DOCK3: variants seen among roughly 807,000 people sequenced by gnomAD.
The protein encoded by DOCK3 is dedicator of cytokinesis protein 3.
Under a neutral mutation model 265.6 loss-of-function variants are expected in DOCK3, and 60 were observed. The observed-to-expected ratio is 0.23, with a 90% confidence interval of 0.18 to 0.28. The LOEUF is 0.28. DOCK3 is among the 10% of genes least tolerant of loss of function. DOCK3 has a pLI of 1.00. For missense variants in DOCK3, 1,981 were observed against 2,594.3 expected (o/e 0.76, Z 5.14); for synonymous variants, 881 against 938.0 (o/e 0.94, Z 1.11).
At chr3:50,703,222 A>G (rs2036165679) in intron 1 of DOCK3, among the ~76,000 whole-genome samples, 1 of 151,800 alleles carries the variant, frequency 6.6e-6, no homozygotes, top group Non-Finnish European at 1.5e-5. Context: ...TATCTTTTTG[A>G]TGTGTTATTA....
At chr3:50,839,021 T>C (rs774474927) in intron 2 of DOCK3, among the ~76,000 whole-genome samples, 3 of 152,148 alleles carry the variant, frequency 2.0e-5, no homozygotes, top group Non-Finnish European at 2.9e-5. Context: ...AGATCAGTGA[T>C]TGTCAGGGCT....
At chr3:51,169,092 G>A (rs1017412414) in intron 12 of DOCK3, among the ~76,000 whole-genome samples, 43 of 152,272 alleles carry the variant, frequency 2.8e-4, no homozygotes, top group African/African-American at 1.0e-3. Flanking sequence ...AATAACAGAT[G>A]CTGGTGAAGT....
Position 50,943,252 on chromosome 3 carries a change from G to T in DOCK3, c.315+9175G>T, listed in dbSNP as rs570713588. Reference sequence around the variant, plus strand: ...AGGCAGACCACAGAGGATTTTTAGGGCAGTGAAAGTACTCTGGTGAATCTC... The same window carrying T: ...AGGCAGACCACAGAGGATTTTTAGGTCAGTGAAAGTACTCTGGTGAATCTC... On this transcript the variant is annotated intron_variant, in intron 5 of 52. Coordinates refer to ENST00000266037, the MANE Select transcript of DOCK3 (RefSeq NM_004947.5). Among the ~76,000 whole-genome samples the T allele has an allele frequency of 1.1e-4, 16 of 152,070 alleles. 1 individual carries two copies. In the South Asian group the frequency reaches 3.3e-3, roughly 32 times the overall value.
rs146993992 is a variant in DOCK3 at position 51,288,134 on chromosome 3, A to G, written c.2922+7930A>G. ...CAGGCAGGCTCAGTGGCTCATGCCT[A>G]TGATCCCAGCACTTTGGGAGGCTGA... is the stretch of plus-strand genomic sequence containing the variant. On this transcript the variant is annotated intron_variant, in intron 27 of 52. Coordinates refer to ENST00000266037, the MANE Select transcript of DOCK3 (RefSeq NM_004947.5). Among the ~76,000 whole-genome samples the G allele has an allele frequency of 3.0e-3, 452 of 152,264 alleles. 3 individuals are homozygous for G. The highest frequency in any genetic ancestry group is 5.6e-3 in the South Asian group (27 of 4,826).
intron 5 of DOCK3, among the ~76,000 whole-genome samples, chr3:50,970,548 A>G (rs1188714639): frequency 6.6e-6 from 1 of 151,720 alleles, no homozygotes; most frequent in African/African-American, 2.4e-5. Context: ...TCAAGCTCTG[A>G]GATTCTTTCC....
At position 51,338,405 on chromosome 3, in the gene DOCK3, A is replaced by C; in HGVS notation, c.3658A>C (p.Thr1220Pro). The change falls in exon 36 of 53, where the codon ACT becomes CCT. Residue 1220 changes from threonine (T) to proline (P), a missense_variant. Coordinates refer to ENST00000266037, the MANE Select transcript of DOCK3 (RefSeq NM_004947.5). ...EETENKKIGC[T>P]VNLMNFYKSE... The stretch of plus-strand genomic sequence containing the variant: ...AACAGAGAATAAGAAGATAGGCTGC[A>C]CTGTTAACCTGATGGTGAGAGGACA... 3 of 1,551,872 alleles carry C rather than the reference A, an allele frequency of 1.9e-6. No individual in the cohort carries two copies. Among genetic ancestry groups the C allele is most frequent in the Non-Finnish European group, 2.6e-6 (3 of 1,147,068 alleles).
rs771690340 is a variant in DOCK3, at chr3:50,758,177, C to CAAAAA, written c.38-20483_38-20479dup. Among the ~76,000 whole-genome samples, 12 of 23,826 alleles carry CAAAAA rather than the reference C, an allele frequency of 5.0e-4. 1 individual carries two copies. The highest frequency in any genetic ancestry group is 1.8e-3 in the African/African-American group (8 of 4,502). 15.6% of individuals were successfully genotyped at this position (23,826 alleles called of 152,430 possible). A position where few individuals can be genotyped will look rare whatever the true frequency, so the allele number is the denominator to read the frequency against. ...TGGGCGACAGAGCGAGACTCTGTCT[C>CAAAAA]AAAAAAAAAAAAAAAAAAAGAAAAA... is the stretch of plus-strand genomic sequence containing the variant. On this transcript the variant is annotated intron_variant, in intron 1 of 52. Transcript: ENST00000266037.
At chr3:50,803,052 T>G (rs1206199291) in intron 2 of DOCK3, among the ~76,000 whole-genome samples, 1 of 150,278 alleles carries the variant, frequency 6.7e-6, no homozygotes, top group Non-Finnish European at 1.5e-5. Context: ...TTTTATGTAT[T>G]TATGTATTTA....
At chr3:50,888,068 T>G (rs1485429645) in intron 3 of DOCK3, among the ~76,000 whole-genome samples, 1 of 152,136 alleles carries the variant, frequency 6.6e-6, no homozygotes, top group Non-Finnish European at 1.5e-5. Context: ...GGAAGTCAAA[T>G]TGTCCCTGTT....
At chr3:51,187,656 A>C (rs1274684062) in intron 12 of DOCK3, among the ~76,000 whole-genome samples, 1 of 150,616 alleles carries the variant, frequency 6.6e-6, no homozygotes, top group Non-Finnish European at 1.5e-5. Flanking sequence ...GTGGGAGATG[A>C]TTGAATCATG....
intron 1 of DOCK3, among the ~76,000 whole-genome samples, chr3:50,693,424 A>G (rs1242273106): frequency 6.6e-6 from 1 of 151,770 alleles, no homozygotes; most frequent in Non-Finnish European, 1.5e-5. Flanking sequence ...TCAATATACA[A>G]ATTTTTCATT....
chr3:50,712,881 C>T (rs1156716445), intron 1 of DOCK3, among the ~76,000 whole-genome samples: 1 of 152,200 alleles, frequency 6.6e-6, no homozygotes, highest in Non-Finnish European at 1.5e-5. Flanking sequence ...TCAAGTGTTT[C>T]ATGAGCACTT....
chr3:51,327,520 G>T (rs940059547), intron 32 of DOCK3, among the ~76,000 whole-genome samples: 13 of 152,100 alleles, frequency 8.5e-5, no homozygotes, highest in Non-Finnish European at 1.8e-4. Context: ...TATGTTTGAA[G>T]AACTTATTAT....
chr3:51,118,888 T>A (rs1284905840), intron 9 of DOCK3, among the ~76,000 whole-genome samples: 1 of 152,196 alleles, frequency 6.6e-6, no homozygotes. Context: ...AGATGGGTCT[T>A]CTGAATATAG....
chr3:51,023,113 A>T (rs9713241), intron 5 of DOCK3, among the ~76,000 whole-genome samples: 5 of 152,144 alleles, frequency 3.3e-5, no homozygotes, highest in African/African-American at 7.2e-5. Context: ...ACGCCAAGGA[A>T]GTTTTCCTCA....
chr3:51,355,278 T>C (rs2086288532), intron 41 of DOCK3, among the ~76,000 whole-genome samples: 1 of 152,242 alleles, frequency 6.6e-6, no homozygotes, highest in African/African-American at 2.4e-5. Flanking sequence ...TCCCTCAGGC[T>C]GGCTGCTTCC....
intron 6 of DOCK3, 70 bp downstream of exon 6, chr3:51,064,666 C>CCT: frequency 6.4e-7 from 1 of 1,557,864 alleles, no homozygotes; most frequent in Non-Finnish European, 8.8e-7. Context: ...GGAGTTTGCA[C>CCT]CTATACAAAG....
intron 24 of DOCK3, among the ~76,000 whole-genome samples, chr3:51,271,858 A>T (rs1576612254): frequency 1.5e-5 from 1 of 68,090 alleles, no homozygotes; most frequent in African/African-American, 7.0e-5. Flanking sequence ...CAGGAAAAAA[A>T]AAAAAAAAAA....
At chr3:50,676,738 C>G (rs2033992943) in intron 1 of DOCK3, among the ~76,000 whole-genome samples, 2 of 151,984 alleles carry the variant, frequency 1.3e-5, no homozygotes, top group Admixed American at 1.3e-4. Flanking sequence ...GGGGGAGGAG[C>G]CCTTGAATAG....
Sources: allele counts gnomAD v4.1 joint callset (sites outside exome capture counted in the v4.1 genomes callset), GRCh38; gene constraint gnomAD v4.1.1; transcripts MANE v1.5; gene names NCBI Gene and HGNC (gene_info 2026-07-23, HGNC 2026-07-21).